The following PDE1C variants were observed in gnomAD, a reference collection of about 807,000 sequenced individuals.
PDE1C encodes the protein phosphodiesterase 1C.
A neutral mutation model predicts 93.1 loss-of-function variants in PDE1C; 62 were observed. That is an observed-to-expected ratio of 0.67 (90% confidence interval 0.54 to 0.82). The LOEUF is 0.82. PDE1C is among the 40% of genes least tolerant of loss of function. The pLI, the probability that PDE1C is intolerant of heterozygous loss-of-function variation, is 0.00. For missense variants in PDE1C, 742 were observed against 884.6 expected (o/e 0.84, Z 2.04); for synonymous variants, 325 against 310.1 (o/e 1.05, Z -0.50).
chr7:32,122,372 T>C (rs573603109), intron 3 of PDE1C, among the ~76,000 whole-genome samples: 40 of 152,310 alleles, frequency 2.6e-4, no homozygotes, highest in South Asian at 1.9e-3. Flanking sequence ...GTGGACCTAA[T>C]TGACATCCAC....
At chr7:32,303,750 T>G (rs1253325747), upstream of PDE1C, among the ~76,000 whole-genome samples, 1 of 152,146 alleles carries the variant, frequency 6.6e-6, no homozygotes, top group African/African-American at 2.4e-5. Context: ...AGGGGCAATT[T>G]TTTTCTTTGG....
chr7:31,711,581 C>A, the PDE1C span, among the ~76,000 whole-genome samples: 1 of 152,100 alleles, frequency 6.6e-6, no homozygotes. Context: ...TATACAAGTG[C>A]TTTCTGATGG....
chr7:31,920,653 C>G (rs1802506869), intron 2 of PDE1C, among the ~76,000 whole-genome samples: 1 of 152,084 alleles, frequency 6.6e-6, no homozygotes, highest in Non-Finnish European at 1.5e-5. Flanking sequence ...TTCCTACAAG[C>G]CAGCTTAAGA....
At chr7:32,056,102 T>A (rs1476846657) in intron 1 of PDE1C, among the ~76,000 whole-genome samples, 3 of 152,090 alleles carry the variant, frequency 2.0e-5, no homozygotes, top group African/African-American at 7.2e-5. Flanking sequence ...ATCTCAAGAT[T>A]TCATGTAGCT....
At chr7:31,635,606 A>C in the PDE1C span, among the ~76,000 whole-genome samples, 1 of 152,116 alleles carries the variant, frequency 6.6e-6, no homozygotes, top group Non-Finnish European at 1.5e-5. Context: ...TACTCTTTCT[A>C]CCTTTTAGGG....
the PDE1C span, among the ~76,000 whole-genome samples, chr7:31,649,150 T>C: frequency 2.0e-5 from 3 of 152,204 alleles, no homozygotes; most frequent in Non-Finnish European, 2.9e-5. Context: ...AGCGAGAGGA[T>C]AGAATCAAAA....
intron 2 of PDE1C, among the ~76,000 whole-genome samples, chr7:32,007,712 C>A (rs781682402): frequency 6.6e-6 from 1 of 152,148 alleles, no homozygotes; most frequent in Non-Finnish European, 1.5e-5. Context: ...AGTCATTCCA[C>A]GTATTTTACC....
intron 1 of PDE1C, among the ~76,000 whole-genome samples, chr7:32,290,445 C>T (rs1812261604): frequency 6.6e-6 from 1 of 152,162 alleles, no homozygotes; most frequent in Admixed American, 6.5e-5. Flanking sequence ...AATTAACAGG[C>T]ACCTAGAGCA....
chr7:31,629,290 TATATAGATTC>T, the PDE1C span, among the ~76,000 whole-genome samples: 5 of 1,478 alleles, frequency 3.4e-3, no homozygotes, highest in Admixed American at 0.06. Context: ...ACACAATCTT[TATATAGATTC>T]ATATAAATGT....
At chr7:32,141,719 C>CA (rs1226474801) in intron 3 of PDE1C, among the ~76,000 whole-genome samples, 1 of 151,908 alleles carries the variant, frequency 6.6e-6, no homozygotes, top group African/African-American at 2.4e-5. Flanking sequence ...GATCCTAGAA[C>CA]AAAAAAAGGA....
chr7:32,299,052 C>G, exon 1 of PDE1C: 1 of 1,138,132 alleles, frequency 8.8e-7, no homozygotes. Flanking sequence ...ACGGGGCTGA[C>G]CGGTGGGCGC....
chr7:32,121,179 G>GA (rs1170534017), intron 3 of PDE1C, among the ~76,000 whole-genome samples: 5 of 151,986 alleles, frequency 3.3e-5, no homozygotes, highest in Non-Finnish European at 5.9e-5. Context: ...CAAGGATACA[G>GA]AAAAAAGAAT....
At chr7:32,010,202 A>G (rs1786888286) in intron 2 of PDE1C, among the ~76,000 whole-genome samples, 1 of 152,236 alleles carries the variant, frequency 6.6e-6, no homozygotes, top group Non-Finnish European at 1.5e-5. Flanking sequence ...ATCAATTTTT[A>G]AAAAGAACAA....
intron 5 of PDE1C, among the ~76,000 whole-genome samples, chr7:31,875,611 G>A (rs568461739): frequency 6.6e-6 from 1 of 151,626 alleles, no homozygotes; most frequent in East Asian, 2.0e-4. Context: ...CTTCCTGTTA[G>A]TCTAACACAA....
intron 2 of PDE1C, among the ~76,000 whole-genome samples, chr7:31,924,741 T>C (rs1486300001): frequency 4.6e-5 from 7 of 152,222 alleles, no homozygotes; most frequent in African/African-American, 7.2e-5. Flanking sequence ...TCTGTTCTGC[T>C]GCTGGAACCA....
At chr7:31,650,399 A>G in the PDE1C span, among the ~76,000 whole-genome samples, 1 of 152,168 alleles carries the variant, frequency 6.6e-6, no homozygotes, top group Non-Finnish European at 1.5e-5. Flanking sequence ...GAGAGTTCCA[A>G]AGTTCTCAGG....
chr7:31,983,348 A>G (rs1379037489), intron 2 of PDE1C, among the ~76,000 whole-genome samples: 1 of 152,222 alleles, frequency 6.6e-6, no homozygotes, highest in Admixed American at 6.5e-5. Flanking sequence ...GACCCAAATC[A>G]GGAGAGTTGG....
the PDE1C span, chr7:31,652,378 C>T: frequency 1.5e-6 from 2 of 1,298,750 alleles, no homozygotes; most frequent in Non-Finnish European, 2.1e-6. Flanking sequence ...AGCTAAGTCA[C>T]TATCAGAATC....
intron 16 of PDE1C, among the ~76,000 whole-genome samples, chr7:31,782,778 G>T (rs1783529145): frequency 6.6e-6 from 1 of 152,204 alleles, no homozygotes; most frequent in African/African-American, 2.4e-5. Context: ...ACACTCAGAA[G>T]AAACCGTATA....
Sources: allele counts gnomAD v4.1 joint callset (sites outside exome capture counted in the v4.1 genomes callset), GRCh38; gene constraint gnomAD v4.1.1; transcripts MANE v1.5; gene names NCBI Gene and HGNC (gene_info 2026-07-23, HGNC 2026-07-21).